NFASC: variants seen among roughly 807,000 people sequenced by gnomAD.
NFASC encodes the protein neurofascin homolog.
A neutral mutation model predicts 147.5 loss-of-function variants in NFASC; 43 were observed. That is an observed-to-expected ratio of 0.29 (90% CI 0.23 to 0.38). NFASC has a LOEUF of 0.38. NFASC is among the 10% of genes least tolerant of loss of function. The probability of loss-of-function intolerance (pLI) is 1.00; values close to 1 mark genes in which losing one functional copy is unlikely to be tolerated. For missense variants in NFASC, 1,320 were observed against 1,689.0 expected (o/e 0.78, Z 3.83); for synonymous variants, 622 against 665.5 (o/e 0.93, Z 1.01).
chr1:204,834,978 C>T (rs542474184), intron 1 of NFASC, among the ~76,000 whole-genome samples: 6 of 151,512 alleles, frequency 4.0e-5, no homozygotes, highest in African/African-American at 1.4e-4. Flanking sequence ...TAATTATTCT[C>T]ATCATCATCA....
intron 25 of NFASC, chr1:205,000,273 T>C (rs2095947184): frequency 6.6e-6 from 1 of 152,210 alleles, no homozygotes; most frequent in African/African-American, 2.4e-5. Flanking sequence ...AGGCTTCACA[T>C]TGTCTTTACT....
intron 1 of NFASC, among the ~76,000 whole-genome samples, chr1:204,888,720 T>C (rs941937906): frequency 2.6e-5 from 4 of 152,178 alleles, no homozygotes; most frequent in African/African-American, 9.7e-5. Flanking sequence ...AGACCTCCCA[T>C]ATAGTAGAGA....
Position 204,986,041 on chromosome 1 carries a change from G to A in NFASC, c.2471-1377G>A, listed in dbSNP as rs749010029. ...TCTTCCCCTACAGTAACTACAAGCT[G>A]GAGATGGTTGTGGTCAATGGGAGAG... On this transcript the variant is annotated intron_variant, in intron 21 of 29. Coordinates refer to ENST00000339876, the MANE Select transcript of NFASC (RefSeq NM_001005388.3). This position sits in a 1 kb window ranked among gnomAD's most constrained non-coding sequence, Gnocchi z 4.2. 8 of 1,614,128 alleles carry A rather than the reference G, an allele frequency of 5.0e-6. No homozygotes were observed. The East Asian group carries it at 1.8e-4, about 36-fold the overall frequency.
Position 204,838,809 on chromosome 1 carries a change from C to A in NFASC, c.-200+10027C>A, listed in dbSNP as rs73077673. On this transcript the variant is annotated intron_variant, in intron 1 of 29. Coordinates refer to ENST00000339876, the MANE Select transcript of NFASC (RefSeq NM_001005388.3). ...GTGAACATGGCCCAGGGTGGGGGTA[C>A]AGGTGAGCCTTTTTCTGTTTTGTTT... Among the ~76,000 whole-genome samples the A allele has an allele frequency of 9.9e-3, 1,513 of 152,296 alleles. 29 individuals are homozygous for A. Among genetic ancestry groups the A allele is most frequent in the African/African-American group, 0.034 (1,407 of 41,558 alleles).
chr1:204,982,056 CT>C (rs11302888), intron 21 of NFASC, 36 bp downstream of exon 21: 138,042 of 1,411,028 alleles, frequency 0.098, 7,810 homozygotes, highest in African/African-American at 0.22. Context: ...CATCAGGACC[CT>C]TGTGGCTAGG....
chr1:205,013,378 C>G (rs1184630228), intron 29 of NFASC, among the ~76,000 whole-genome samples: 2 of 152,076 alleles, frequency 1.3e-5, no homozygotes, highest in African/African-American at 4.8e-5. Flanking sequence ...TTGAACTTGG[C>G]GATATCTTTG....
At chr1:204,915,184 G>A (rs2088875488) in intron 1 of NFASC, among the ~76,000 whole-genome samples, 1 of 152,284 alleles carries the variant, frequency 6.6e-6, no homozygotes, top group East Asian at 1.9e-4. Flanking sequence ...GGAGGCTGAG[G>A]CAGGAGAATG....
intron 1 of NFASC, among the ~76,000 whole-genome samples, chr1:204,844,439 C>T (rs1484718848): frequency 6.6e-6 from 1 of 152,124 alleles, no homozygotes; most frequent in East Asian, 1.9e-4. Flanking sequence ...TGTTTTTGAG[C>T]CTCAAATAAG....
chr1:205,016,828 T>TTTTTAATGATACGG lies in NFASC; in HGVS notation c.*289_*290insTTTTAATGATACGG. ...CCGGTCTCGCAGCCACCCCGAGCGTTCCACCACACTGTCCGCCCTTGGCCT... is the reference window on the plus strand; with the variant it reads ...CCGGTCTCGCAGCCACCCCGAGCGTTTTTTAATGATACGGCCACCACACTGTCCGCCCTTGGCCT... On this transcript the variant is annotated 3_prime_UTR_variant, in exon 30 of 30. Transcript: ENST00000339876. This position sits in a 1 kb window ranked among gnomAD's most constrained non-coding sequence, Gnocchi z 5.1. 8.1e-6 allele frequency: 4 copies of TTTTTAATGATACGG among 496,574 alleles called. No individual in the cohort carries two copies. The highest frequency in any genetic ancestry group is 3.9e-5 in the East Asian group (1 of 25,800). The allele number at this position is 496,574 out of a possible 1,614,324, so 30.8% of individuals were successfully genotyped here.
chr1:204,840,083 A>G (rs558702867), intron 1 of NFASC, among the ~76,000 whole-genome samples: 8 of 152,292 alleles, frequency 5.3e-5, no homozygotes, highest in African/African-American at 1.9e-4. Context: ...AGTCCTCCAC[A>G]TGCACACAGA....
chr1:204,959,510 A>T (rs1159189469), intron 8 of NFASC, among the ~76,000 whole-genome samples: 2 of 152,252 alleles, frequency 1.3e-5, no homozygotes, highest in Non-Finnish European at 1.5e-5. Context: ...GAGTGGCCTC[A>T]GCAGCCAGGA....
chr1:204,861,819 T>C (rs2076706722), intron 1 of NFASC, among the ~76,000 whole-genome samples: 1 of 152,200 alleles, frequency 6.6e-6, no homozygotes, highest in African/African-American at 2.4e-5. Context: ...TGCCAGTCTG[T>C]GTCTTCTTTT....
chr1:204,868,792 G>C (rs2077331040), intron 1 of NFASC, among the ~76,000 whole-genome samples: 1 of 152,192 alleles, frequency 6.6e-6, no homozygotes, highest in South Asian at 2.1e-4. Flanking sequence ...CCAACCCCCA[G>C]GCCACCCAGC....
intron 1 of NFASC, among the ~76,000 whole-genome samples, chr1:204,845,383 G>A (rs554891012): frequency 6.6e-6 from 1 of 150,944 alleles, no homozygotes; most frequent in African/African-American, 2.4e-5. Context: ...GCTTGAACCT[G>A]GGAGGCGGAG....
At chr1:204,934,593 A>G (rs1309873952) in intron 2 of NFASC, among the ~76,000 whole-genome samples, 1 of 152,200 alleles carries the variant, frequency 6.6e-6, no homozygotes, top group African/African-American at 2.4e-5. Context: ...ACATGGAGAC[A>G]CCCTTTCCCA....
chr1:204,997,051 C>T, intron 24 of NFASC, 119 bp from the exon 25 acceptor site: 2 of 1,485,068 alleles, frequency 1.3e-6, no homozygotes, highest in Non-Finnish European at 1.8e-6. Context: ...CTTGGGGAGG[C>T]TCCTGATGAC....
At chr1:205,011,298 C>G (rs752488733) in intron 28 of NFASC, among the ~76,000 whole-genome samples, 2 of 151,078 alleles carry the variant, frequency 1.3e-5, no homozygotes, top group Non-Finnish European at 2.9e-5. Context: ...CAGACTAGGA[C>G]TCTGAAGAGC....
chr1:204,935,250 G>A (rs1372463592), intron 2 of NFASC, among the ~76,000 whole-genome samples: 1 of 152,120 alleles, frequency 6.6e-6, no homozygotes, highest in Non-Finnish European at 1.5e-5. Context: ...AAGAGTGATT[G>A]CCGTAAAGAC....
chr1:204,972,971 C>T (rs2095302813), intron 11 of NFASC, among the ~76,000 whole-genome samples: 1 of 152,174 alleles, frequency 6.6e-6, no homozygotes, highest in South Asian at 2.1e-4. Flanking sequence ...TGGTTAGAAC[C>T]AAAACTCCTT....
Sources: allele counts gnomAD v4.1 joint callset (sites outside exome capture counted in the v4.1 genomes callset), GRCh38; gene constraint gnomAD v4.1.1; non-coding constraint Gnocchi (gnomAD v3.1); transcripts MANE v1.5; gene names NCBI Gene and HGNC (gene_info 2026-07-23, HGNC 2026-07-21).